Variants in PIR observed in about 807,000 individuals in gnomAD.
PIR encodes the protein pirin (iron-binding nuclear protein).
PIR carries 22 observed loss-of-function variants against 24.2 expected under a neutral mutation model. The observed-to-expected ratio is 0.91, with a 90% CI of 0.65 to 1.30. The LOEUF (loss-of-function observed/expected upper bound fraction) is 1.30, where lower values mean the gene tolerates loss of function less well. Ranked by LOEUF, PIR falls within the 50% of genes most tolerant of loss-of-function variation. The probability of loss-of-function intolerance (pLI) is 0.00; values close to 1 mark genes in which losing one functional copy is unlikely to be tolerated. For missense variants in PIR, 220 were observed against 220.3 expected (o/e 1.00, Z 0.01); for synonymous variants, 80 against 79.6 (o/e 1.00, Z -0.03).
chrX:15,465,807 AAATT>A (rs1231473358), intron 3 of PIR, among the ~76,000 whole-genome samples: 1 of 112,079 alleles, frequency 8.9e-6, no homozygotes, highest in African/African-American at 3.2e-5. Flanking sequence ...AAGGAGCTAT[AAATT>A]AATTCTGAAG....
At chrX:15,401,492 A>G (rs968533829) in intron 7 of PIR, among the ~76,000 whole-genome samples, 5 of 111,484 alleles carry the variant, frequency 4.5e-5, no homozygotes, top group African/African-American at 1.7e-4. Context: ...GATTGATTCT[A>G]TCTTTATTTC....
At chrX:15,475,005 C>A (rs1035833455) in intron 3 of PIR, among the ~76,000 whole-genome samples, 2 of 110,764 alleles carry the variant, frequency 1.8e-5, no homozygotes, top group East Asian at 5.6e-4. Flanking sequence ...GAAAAAGTAT[C>A]CTTTCCCGGT....
intron 7 of PIR, among the ~76,000 whole-genome samples, chrX:15,405,796 C>T (rs1013130872): frequency 8.9e-6 from 1 of 112,152 alleles, no homozygotes. Flanking sequence ...CACACTTTCT[C>T]CAGTGCTAAA....
At chrX:15,458,253 A>G (rs1029500304) in intron 4 of PIR, among the ~76,000 whole-genome samples, 27 of 111,981 alleles carry the variant, frequency 2.4e-4, no homozygotes, top group Admixed American at 8.5e-4. Context: ...TTCCATCCTC[A>G]TCATTTACTA....
At chrX:15,420,026 G>A (rs1925072034) in intron 6 of PIR, among the ~76,000 whole-genome samples, 2 of 110,465 alleles carry the variant, frequency 1.8e-5, no homozygotes, top group Non-Finnish European at 3.8e-5. Flanking sequence ...GTCAAACCCC[G>A]TCGCTACTAA....
chrX:15,419,754 G>A (rs957303159), intron 6 of PIR, among the ~76,000 whole-genome samples: 1 of 108,520 alleles, frequency 9.2e-6, no homozygotes, highest in Non-Finnish European at 1.9e-5. Flanking sequence ...AAATTAGTTG[G>A]GCGTGGTGGT....
chrX:15,403,554 C>T (rs1049746964), intron 7 of PIR, among the ~76,000 whole-genome samples: 1 of 110,582 alleles, frequency 9.0e-6, no homozygotes, highest in African/African-American at 3.3e-5. Context: ...GTGGGATCTA[C>T]TGGTTTTCTG....
intron 3 of PIR, among the ~76,000 whole-genome samples, chrX:15,462,607 T>C (rs1054846401): frequency 5.3e-5 from 6 of 112,344 alleles, no homozygotes; most frequent in Non-Finnish European, 7.5e-5. Context: ...CAAAGCCAGA[T>C]TGTTTTTGTC....
Position 15,397,512 on chromosome X carries a change from T to C in PIR, c.630A>G (p.Gln210=). 1 of 1,205,626 alleles carries C rather than the reference T, an allele frequency of 8.3e-7. No homozygotes were observed. Among genetic ancestry groups the C allele is most frequent in the Non-Finnish European group, 1.1e-6 (1 of 889,796 alleles). ...DVYIGPDDAQ[Q]KIEPHHTAVL... is the part of the protein sequence containing the mutation. ...CTGCTGTGTGATGAGGTTCTATTTT[T>C]TGTTGTGCATCATCGGGCCCTACAA... is the stretch of plus-strand genomic sequence containing the variant. The change falls in exon 8 of 10, where the codon CAA becomes CAG. Residue 210 remains glutamine, a synonymous_variant. Coordinates refer to ENST00000380420, the MANE Select transcript of PIR (RefSeq NM_001018109.3).
chrX:15,479,889 T>C (rs1282913470), intron 2 of PIR, 68 bp from the exon 3 acceptor site: 12 of 536,380 alleles, frequency 2.2e-5, no homozygotes, highest in Non-Finnish European at 2.4e-5. Flanking sequence ...GCTACATTTA[T>C]GAACAGATCT....
At chrX:15,453,870 C>T (rs1280183491) in intron 5 of PIR, among the ~76,000 whole-genome samples, 3 of 111,885 alleles carry the variant, frequency 2.7e-5, no homozygotes, top group Non-Finnish European at 5.6e-5. Context: ...AACTAAATCA[C>T]TGGTCTGATT....
rs200803758 is a variant in PIR, at chrX:15,466,006, G to GTTTTTTTTTT, written c.190-6276_190-6267dup. Among the ~76,000 whole-genome samples the GTTTTTTTTTT allele has an allele frequency of 1.8e-3, 113 of 63,085 alleles. 1 individual carries two copies. The highest frequency in any genetic ancestry group is 3.1e-3 in the African/African-American group (45 of 14,412). 54.8% of individuals were successfully genotyped at this position (63,085 alleles called of 115,157 possible). On this transcript the variant is annotated intron_variant, in intron 3 of 9. Transcript: ENST00000380420. ...TTCCATTTGCTTTAAAATGGTGGCT[G>GTTTTTTTTTT]TTTTTTTTTTTTTTTTTTTTTTGTC...
chrX:15,449,145 T>C (rs1241355696), intron 5 of PIR, among the ~76,000 whole-genome samples: 1 of 112,077 alleles, frequency 8.9e-6, no homozygotes, highest in Non-Finnish European at 1.9e-5. Context: ...CTGAGAAGGC[T>C]GCACCAAAGA....
chrX:15,391,157 C>T (rs1923946808), intron 8 of PIR, among the ~76,000 whole-genome samples: 1 of 111,876 alleles, frequency 8.9e-6, no homozygotes, highest in Non-Finnish European at 1.9e-5. Context: ...ATTTTCTCAA[C>T]AAATATTTAA....
chrX:15,488,013 C>T (rs1198522402), intron 2 of PIR, among the ~76,000 whole-genome samples: 1 of 111,321 alleles, frequency 9.0e-6, no homozygotes, highest in Non-Finnish European at 1.9e-5. Context: ...GGTGCAGTGG[C>T]TCAGCCTGTA....
chrX:15,446,423 T>G (rs978304430), intron 5 of PIR, among the ~76,000 whole-genome samples: 1 of 110,803 alleles, frequency 9.0e-6, no homozygotes, highest in Non-Finnish European at 1.9e-5. Context: ...AGAATTGTCT[T>G]GGGCCACACA....
intron 6 of PIR, among the ~76,000 whole-genome samples, chrX:15,409,893 A>T (rs1924681284): frequency 9.0e-6 from 1 of 111,113 alleles, no homozygotes; most frequent in South Asian, 3.8e-4. Flanking sequence ...TATTGTTAGC[A>T]ATTTGGTATC....
rs780168534 is a variant in PIR, at chrX:15,479,745, T to C, written c.173A>G (p.His58Arg). The part of the protein sequence containing the change: ...GRPGGFPDHP[H>R]RGFETVSYLL... ...TGTACTTACTGTTTCAAAACCTCGATGTGGATGATCAGGAAATCCTCCTGG... is the reference window on the plus strand; with the variant it reads ...TGTACTTACTGTTTCAAAACCTCGACGTGGATGATCAGGAAATCCTCCTGG... Residue 58 changes from histidine to arginine, a missense_variant, in exon 3 of 10, where the codon CAT becomes CGT. His to Arg is a conservative substitution (Grantham distance 29). Coordinates refer to ENST00000380420, the MANE Select transcript of PIR (RefSeq NM_001018109.3). 2 of 1,155,611 alleles carry C rather than the reference T, an allele frequency of 1.7e-6. No individual in the cohort carries two copies. Among genetic ancestry groups the C allele is most frequent in the Admixed American group, 2.3e-5 (1 of 44,408 alleles).
At chrX:15,478,431 G>C (rs952851452) in intron 3 of PIR, 1 of 112,209 alleles carries the variant, frequency 8.9e-6, no homozygotes, top group Non-Finnish European at 1.9e-5. Flanking sequence ...CTATGGGATG[G>C]AGCACACAAG....
Sources: gnomAD v4.1 joint callset for allele counts (sites outside exome capture counted in the v4.1 genomes callset) on GRCh38, gnomAD v4.1.1 for gene constraint, MANE v1.5 for transcripts, NCBI Gene and HGNC (gene_info 2026-07-23, HGNC 2026-07-21) for gene names.